ARL13B: variants seen among roughly 807,000 people sequenced by gnomAD.
The protein encoded by ARL13B is ARF like GTPase 13B.
ARL13B carries 36 observed loss-of-function variants against 56.1 expected under a neutral mutation model. That is an observed-to-expected ratio of 0.64 (90% CI 0.49 to 0.85). The LOEUF (loss-of-function observed/expected upper bound fraction) is 0.85, where lower values mean the gene tolerates loss of function less well. ARL13B is among the 40% of genes least tolerant of loss of function. The probability of loss-of-function intolerance (pLI) is 0.00; values close to 1 mark genes in which losing one functional copy is unlikely to be tolerated. For synonymous variants in ARL13B, 178 were observed against 171.1 expected, an observed-to-expected ratio of 1.04 and a Z score of -0.32; for missense variants, 519 against 507.1, an observed-to-expected ratio of 1.02 and a Z score of -0.23.
Position 94,026,145 on chromosome 3 carries a change from G to A in ARL13B, c.381-9186G>A, listed in dbSNP as rs552452726. Among the ~76,000 whole-genome samples, 18 of 151,890 alleles carry A rather than the reference G, an allele frequency of 1.2e-4. No individual in the cohort carries two copies. In the East Asian group the frequency reaches 3.5e-3, roughly 29 times the overall value. ...CGCCATTCTCCTGCCTCAGCCTCCA[G>A]AGTAGCTGGGACTACAGGCGCCCGC... On this transcript the variant is annotated intron_variant, in intron 3 of 9. Coordinates refer to ENST00000394222, the MANE Select transcript of ARL13B (RefSeq NM_001174150.2).
chr3:93,984,935 A>G (rs1171876302), intron 1 of ARL13B, among the ~76,000 whole-genome samples: 3 of 152,130 alleles, frequency 2.0e-5, no homozygotes, highest in African/African-American at 7.2e-5. Context: ...GCTTGAGCCC[A>G]AGAGGTGGAG....
At position 94,023,694 on chromosome 3, in the gene ARL13B, T is replaced by G. The variant is rs146015142; in HGVS notation, c.381-11637T>G. 7.1e-3 allele frequency among the ~76,000 whole-genome samples: 1,077 copies of G among 152,300 alleles called. 5 individuals carry two copies. The highest frequency in any genetic ancestry group is 0.012 in the Non-Finnish European group (783 of 68,016). ...CTACGTTTAGACATATCTACTTGAT[T>G]GCAAATCTGTTCTTTTTCCCCTATT... On this transcript the variant is annotated intron_variant, in intron 3 of 9. Coordinates refer to ENST00000394222, the MANE Select transcript of ARL13B (RefSeq NM_001174150.2).
intron 3 of ARL13B, among the ~76,000 whole-genome samples, chr3:94,023,266 T>TATATCTTCTAGTTTTGTTACC (rs1477839326): frequency 7.2e-5 from 11 of 152,180 alleles, no homozygotes; most frequent in Non-Finnish European, 1.6e-4. Flanking sequence ...GTTTTGTTAC[T>TATATCTTCTAGTTTTGTTACC]ACATCTTCTA....
At chr3:94,019,584 GC>G (rs925985538) in intron 3 of ARL13B, among the ~76,000 whole-genome samples, 6 of 127,590 alleles carry the variant, frequency 4.7e-5, no homozygotes, top group African/African-American at 1.8e-4. Flanking sequence ...CCCCCATCCT[GC>G]CCCCACCACA....
intron 7 of ARL13B, 66 bp downstream of exon 7, chr3:94,043,306 C>G: frequency 7.3e-7 from 1 of 1,363,864 alleles, no homozygotes; most frequent in Non-Finnish European, 1.0e-6. Flanking sequence ...TACTTCATCT[C>G]ATTTTTTATG....
At position 94,035,415 on chromosome 3, in the gene ARL13B, G is replaced by A. The variant is rs201373123; in HGVS notation, c.465G>A (p.Glu155=). 3 of 1,598,270 alleles carry A rather than the reference G, an allele frequency of 1.9e-6. No homozygotes were observed. The highest frequency in any genetic ancestry group is 8.5e-7 in the Non-Finnish European group (1 of 1,172,676). Residue 155 remains glutamate, a synonymous_variant, in exon 4 of 10, where the codon GAG becomes GAA. Transcript: ENST00000394222. Reference sequence around the variant, plus strand: ...TATCTCTGGAAAAATTGGTCAATGAGCACAAGTGCCTGTGTCAGATAGTAA... The same window carrying A: ...TATCTCTGGAAAAATTGGTCAATGAACACAAGTGCCTGTGTCAGATAGTAA... ...ECLSLEKLVN[E]HKCLCQIEPC... is the part of the protein sequence containing the mutation.
rs183101223 is a variant in ARL13B, at chr3:94,003,537, A to G, written c.131-122A>G. 5.0e-4 allele frequency: 568 copies of G among 1,134,674 alleles called. 4 individuals are homozygous for G. In the African/African-American group the frequency reaches 8.0e-3, roughly 16 times the overall value. 70.3% of individuals were successfully genotyped at this position (1,134,674 alleles called of 1,614,324 possible). The stretch of plus-strand genomic sequence containing the variant: ...TGTCCCCAAACCAGTATGCTTCAAA[A>G]TAATGTTTATTGTGTCAGTGAATGC... On this transcript the variant is annotated intron_variant, in intron 2 of 9. Coordinates refer to ENST00000394222, the MANE Select transcript of ARL13B (RefSeq NM_001174150.2).
rs761378843 is a variant in ARL13B at position 94,043,108 on chromosome 3, A to C, written c.892A>C (p.Ile298Leu). The C allele has an allele frequency of 3.1e-6, 5 of 1,613,848 alleles. No homozygotes were observed. The Admixed American group carries it at 5.0e-5, about 16-fold the overall frequency. Residue 298 changes from isoleucine (I) to leucine (L), a missense_variant, in exon 7 of 10, where the codon ATA becomes CTA. Physicochemically the swap from Ile to Leu is conservative, Grantham distance 5 (BLOSUM62 2). Transcript: ENST00000394222. ...HLKHKMEHEQ[I>L]ETQGQVNHNG... ...GAAACATAAAATGGAGCATGAGCAA[A>C]TAGAGACACAAGGCCAGGTTAATCA... is the stretch of plus-strand genomic sequence containing the variant.
At chr3:94,011,606 T>C (rs1167469573) in intron 3 of ARL13B, among the ~76,000 whole-genome samples, 2 of 152,174 alleles carry the variant, frequency 1.3e-5, no homozygotes, top group Non-Finnish European at 2.9e-5. Context: ...GGTTTCTCTT[T>C]CTACCCAAGT....
At chr3:93,992,058 A>G (rs1189351322) in intron 1 of ARL13B, among the ~76,000 whole-genome samples, 1 of 152,128 alleles carries the variant, frequency 6.6e-6, no homozygotes, top group Non-Finnish European at 1.5e-5. Context: ...TTTGAAGGAC[A>G]TTTTTGTTTG....
Position 93,986,299 on chromosome 3 carries a change from C to A in ARL13B, c.59+5817C>A, listed in dbSNP as rs964942492. Among the ~76,000 whole-genome samples, 14 of 152,146 alleles carry A rather than the reference C, an allele frequency of 9.2e-5. 1 individual carries two copies. The highest frequency in any genetic ancestry group is 1.5e-5 in the Non-Finnish European group (1 of 68,030). On this transcript the variant is annotated intron_variant, in intron 1 of 9. Transcript: ENST00000394222. ...GCTATAAACCCAAGCTTGGCCTTCT[C>A]ACTATTTATTCATACTCAGTAAATT...
In ARL13B at chr3:94,055,425, C is replaced by CT. The variant is rs1168448386; in HGVS notation, c.*2168dup. 1 of 452,200 alleles carries CT rather than the reference C, an allele frequency of 2.2e-6. No homozygotes were observed. Among genetic ancestry groups the CT allele is most frequent in the East Asian group, 7.0e-5 (1 of 14,364 alleles). The allele number at this position is 452,200 out of a possible 1,614,324, so 28.0% of individuals were successfully genotyped here. ...TTTTTTTGATACTTTACACACAAAA[C>CT]TTTTTTCTCTCTGCAAGTTTTTATG... On this transcript the variant is annotated 3_prime_UTR_variant, in exon 10 of 10. Coordinates refer to ENST00000394222, the MANE Select transcript of ARL13B (RefSeq NM_001174150.2).
At chr3:94,032,862 T>C (rs1576021082) in intron 3 of ARL13B, among the ~76,000 whole-genome samples, 1 of 152,312 alleles carries the variant, frequency 6.6e-6, no homozygotes, top group East Asian at 1.9e-4. Context: ...CACTACTGGG[T>C]ACCTATCCAA....
intron 1 of ARL13B, among the ~76,000 whole-genome samples, chr3:93,993,619 T>G (rs2107371373): frequency 6.6e-6 from 1 of 152,364 alleles, no homozygotes; most frequent in African/African-American, 2.4e-5. Flanking sequence ...GTTATCCATC[T>G]TCTCTGGATA....
At position 94,005,207 on chromosome 3, in the gene ARL13B, T is replaced by G. The variant is rs373032474; in HGVS notation, c.380+1299T>G. ...GGAATAAAAATAACAAAAATCCAAG[T>G]TAGACCTCAGGAGCTTACATTCTAG... On this transcript the variant is annotated intron_variant, in intron 3 of 9. Transcript: ENST00000394222. Among the ~76,000 whole-genome samples the G allele has an allele frequency of 2.0e-5, 3 of 152,152 alleles. No individual in the cohort carries two copies. The East Asian group carries it at 5.8e-4, about 29-fold the overall frequency.
rs1204350181 is a variant in ARL13B, at chr3:94,003,970, A to G, written c.380+62A>G. 4 of 1,606,612 alleles carry G rather than the reference A, an allele frequency of 2.5e-6. No individual in the cohort carries two copies. The East Asian group carries it at 6.7e-5, about 27-fold the overall frequency. ...ATGGCATTGGCCACTAAAGAAATTT[A>G]CCTGTTACAGACTAGTGAATAAGCT... On this transcript the variant is annotated intron_variant, in intron 3 of 9. Transcript: ENST00000394222.
intron 5 of ARL13B, among the ~76,000 whole-genome samples, chr3:94,037,399 A>T (rs942226072): frequency 2.0e-5 from 3 of 152,202 alleles, no homozygotes; most frequent in African/African-American, 7.2e-5. Flanking sequence ...GTGACCCATT[A>T]TGAGGTACTT....
At position 94,015,125 on chromosome 3, in the gene ARL13B, T is replaced by C. The variant is rs1402729697; in HGVS notation, c.380+11217T>C. 3.1e-6 allele frequency: 5 copies of C among 1,613,894 alleles called. No individual in the cohort carries two copies. The Middle Eastern group carries it at 6.6e-4, about 212-fold the overall frequency. On this transcript the variant is annotated intron_variant, in intron 3 of 9. Transcript: ENST00000394222. ...AGTTTTTGGATTTCATGTAGGTGTC[T>C]CTCAGCTACAGGCTCTCTTTCATAA...
chr3:93,988,503 G>T (rs1313835213), intron 1 of ARL13B: 1 of 243,436 alleles, frequency 4.1e-6, no homozygotes, highest in African/African-American at 2.3e-5. Flanking sequence ...GGAATGAGGT[G>T]GGAGTTCCTG....
Sources: allele counts gnomAD v4.1 joint callset (sites outside exome capture counted in the v4.1 genomes callset), GRCh38; gene constraint gnomAD v4.1.1; transcripts MANE v1.5; gene names NCBI Gene and HGNC (gene_info 2026-07-23, HGNC 2026-07-21).